MYO5C: variants seen among roughly 807,000 people sequenced by gnomAD.
The protein encoded by MYO5C is myosin VC.
A neutral mutation model predicts 235.7 loss-of-function variants in MYO5C; 194 were observed. The ratio of observed to expected loss-of-function variants is 0.82; its 90% CI spans 0.73 to 0.93. The LOEUF is 0.93. Ranked by LOEUF, MYO5C falls within the 40% of genes least tolerant of loss-of-function variation. The pLI is 0.00. For missense variants in MYO5C, 2,038 were observed against 2,127.2 expected, an observed-to-expected ratio of 0.96 and a Z score of 0.82; for synonymous variants, 707 against 754.8, an observed-to-expected ratio of 0.94 and a Z score of 1.04.
chr15:52,218,468 G>C (rs2035602758), intron 32 of MYO5C, 51 bp downstream of exon 32: 1 of 1,567,550 alleles, frequency 6.4e-7, no homozygotes, highest in Admixed American at 1.7e-5. Context: ...CCCCCTTTCA[G>C]CAACATCTGC....
chr15:52,236,491 A>G (rs1201848130), intron 22 of MYO5C, among the ~76,000 whole-genome samples: 5 of 152,220 alleles, frequency 3.3e-5, no homozygotes, highest in Non-Finnish European at 7.3e-5. Flanking sequence ...CTTGGCCAAC[A>G]TGGTGAAACC....
At chr15:52,249,146 T>G in intron 13 of MYO5C, among the ~76,000 whole-genome samples, 1 of 152,178 alleles carries the variant, frequency 6.6e-6, no homozygotes. Context: ...CTTAGTGGTG[T>G]TCATTGGGTT....
intron 20 of MYO5C, among the ~76,000 whole-genome samples, chr15:52,240,195 CT>C (rs1199224894): frequency 6.6e-6 from 1 of 152,128 alleles, no homozygotes; most frequent in Non-Finnish European, 1.5e-5. Flanking sequence ...CCATAACTTT[CT>C]TTTTTTCTTT....
At position 52,260,915 on chromosome 15, in the gene MYO5C, CG is replaced by C. The variant is rs1566984123; in HGVS notation, c.1259del (p.Ala420GlyfsTer25). 6.2e-7 allele frequency: 1 copy of C among 1,614,198 alleles called. No individual in the cohort carries two copies. Among genetic ancestry groups the C allele is most frequent in the Non-Finnish European group, 8.5e-7 (1 of 1,180,036 alleles). On this transcript the variant is annotated frameshift_variant, in exon 10 of 41. Transcript: ENST00000261839. LOFTEE classifies it high-confidence loss of function. ...TGTGCTGCTTGCCTGAAAACTGCAA[CG>C]CTTGGTTAATTCTCTCCACAATGAA... ...FDFIVERINQ[A>X]LQFSGKQHTF...
chr15:52,275,180 G>A (rs1362112394), intron 5 of MYO5C, among the ~76,000 whole-genome samples: 1 of 152,226 alleles, frequency 6.6e-6, no homozygotes, highest in Non-Finnish European at 1.5e-5. Flanking sequence ...AACTACCAAA[G>A]GTTTATCAAT....
In MYO5C at chr15:52,205,114, C is replaced by G. The variant is rs1164885128; in HGVS notation, c.4571G>C (p.Gly1524Ala). The change falls in exon 38 of 41, where the codon GGC (glycine) becomes GCC (alanine). Residue 1524 changes from glycine (G) to alanine (A), a missense_variant. Physicochemically the swap from Gly to Ala is moderately conservative, Grantham distance 60. Coordinates refer to ENST00000261839, the MANE Select transcript of MYO5C (RefSeq NM_018728.4). ...PGMLEYESLQ[G>A]ISGLKPTGFR... ...GCCTGTGGGCTTCAGGCCGGAAATG[C>G]CCTGCAGGCTCTCATACTCCAGCAT... 1 of 1,614,056 alleles carries G rather than the reference C, an allele frequency of 6.2e-7. No individual in the cohort carries two copies. The highest frequency in any genetic ancestry group is 1.3e-5 in the African/African-American group (1 of 74,942).
At chr15:52,196,168 G>C in intron 39 of MYO5C, 141 bp downstream of exon 39, 1 of 615,012 alleles carries the variant, frequency 1.6e-6, no homozygotes, top group South Asian at 3.4e-5. Flanking sequence ...TAGATAAAAG[G>C]GTGGGCCATG....
intron 12 of MYO5C, 66 bp from the exon 13 acceptor site, chr15:52,251,581 C>T: frequency 7.4e-7 from 1 of 1,351,062 alleles, no homozygotes; most frequent in Admixed American, 2.4e-5. Context: ...TGAGGAAAAG[C>T]ACTAATTCTA....
intron 37 of MYO5C, 169 bp downstream of exon 37, chr15:52,205,647 G>A (rs770854640): frequency 4.6e-6 from 2 of 436,082 alleles, no homozygotes; most frequent in Non-Finnish European, 8.0e-6. Flanking sequence ...ATTATTTATG[G>A]AATCATTATA....
chr15:52,208,688 G>A (rs1287572819), intron 35 of MYO5C, 45 bp from the exon 36 acceptor site: 2 of 1,528,464 alleles, frequency 1.3e-6, no homozygotes, highest in South Asian at 2.2e-5. Flanking sequence ...ATGATTACTT[G>A]TACCTCTGAG....
rs183044061 is a variant in MYO5C at position 52,226,863 on chromosome 15, G to A, written c.3208-1331C>T. Among the ~76,000 whole-genome samples the A allele has an allele frequency of 5.3e-5, 8 of 152,254 alleles. No homozygotes were observed. In the East Asian group the frequency reaches 1.5e-3, roughly 29 times the overall value. Reference sequence around the variant, plus strand: ...TGAGTTATTTTCTTTGAAAACCAGAGTAGGCTGGGCACGGTGGCTCACGCC... The same window carrying A: ...TGAGTTATTTTCTTTGAAAACCAGAATAGGCTGGGCACGGTGGCTCACGCC... On this transcript the variant is annotated intron_variant, in intron 25 of 40. Transcript: ENST00000261839.
chr15:52,291,077 A>G (rs191082857), intron 1 of MYO5C, among the ~76,000 whole-genome samples: 5 of 152,342 alleles, frequency 3.3e-5, no homozygotes. Context: ...GGGCAGGACC[A>G]GGACTTGATT....
At chr15:52,256,793 G>T in intron 10 of MYO5C, 73 bp from the exon 11 acceptor site, 1 of 1,215,106 alleles carries the variant, frequency 8.2e-7, no homozygotes, top group Non-Finnish European at 1.2e-6. Context: ...GATATTTTTT[G>T]ACACTTAAAA....
chr15:52,291,729 A>ATGTTTTTTTTTTTGTTTTTT (rs2037391419), intron 1 of MYO5C, among the ~76,000 whole-genome samples: 1 of 46,722 alleles, frequency 2.1e-5, no homozygotes, highest in African/African-American at 7.7e-5. Flanking sequence ...TGCATATTTT[A>ATGTTTTTTTTTTTGTTTTTT]TGTTTTTTTT....
In MYO5C at chr15:52,221,266, G is replaced by C. The variant is rs1418942911; in HGVS notation, c.3628-11C>G. ...AAAGTCTGGGATCATCTTTAGAGAA[G>C]AATTAGAAATATTAGAATATAAAAT... On this transcript the variant is annotated splice_polypyrimidine_tract_variant and intron_variant, in intron 29 of 40. Transcript: ENST00000261839. 1 of 1,555,316 alleles carries C rather than the reference G, an allele frequency of 6.4e-7. No individual in the cohort carries two copies. The highest frequency in any genetic ancestry group is 8.8e-7 in the Non-Finnish European group (1 of 1,140,400).
At chr15:52,283,543 T>C (rs1393746125) in intron 1 of MYO5C, among the ~76,000 whole-genome samples, 1 of 152,116 alleles carries the variant, frequency 6.6e-6, no homozygotes, top group Non-Finnish European at 1.5e-5. Context: ...AGAACCACGT[T>C]GCTGTGGGCT....
chr15:52,284,492 T>C (rs950608253), intron 1 of MYO5C, among the ~76,000 whole-genome samples: 11 of 152,038 alleles, frequency 7.2e-5, no homozygotes, highest in Admixed American at 1.3e-4. Context: ...CTTCTGGGAG[T>C]GATGGTAACA....
chr15:52,256,901 C>T (rs1457938942), intron 10 of MYO5C, 181 bp from the exon 11 acceptor site: 1 of 546,256 alleles, frequency 1.8e-6, no homozygotes, highest in Non-Finnish European at 3.2e-6. Flanking sequence ...TAACCCTTTT[C>T]CTGGTTGTCC....
intron 38 of MYO5C, among the ~76,000 whole-genome samples, chr15:52,199,790 T>C (rs1321937371): frequency 3.3e-5 from 5 of 152,094 alleles, no homozygotes; most frequent in Non-Finnish European, 5.9e-5. Flanking sequence ...TCCCTTCCAA[T>C]TGGAGGATCT....
Sources: gnomAD v4.1 joint callset for allele counts (sites outside exome capture counted in the v4.1 genomes callset) on GRCh38, gnomAD v4.1.1 for gene constraint, MANE v1.5 for transcripts, NCBI Gene and HGNC (gene_info 2026-07-23, HGNC 2026-07-21) for gene names.